The following SPIDR variants were observed in gnomAD, a reference collection of about 807,000 sequenced individuals.
SPIDR encodes DNA repair-scaffolding protein.
A neutral mutation model predicts 104.6 loss-of-function variants in SPIDR; 93 were observed. The ratio of observed to expected loss-of-function variants is 0.89; its 90% CI spans 0.75 to 1.06. SPIDR has a LOEUF of 1.06. Ranked by LOEUF, SPIDR falls within the 50% of genes least tolerant of loss-of-function variation. The pLI, the probability that SPIDR is intolerant of heterozygous loss-of-function variation, is 0.00. For missense variants in SPIDR, 1,154 were observed against 1,111.2 expected (o/e 1.04, Z -0.55); for synonymous variants, 431 against 416.9 (o/e 1.03, Z -0.41).
chr8:47,600,197 G>A (rs918834624), intron 10 of SPIDR, among the ~76,000 whole-genome samples: 7 of 152,208 alleles, frequency 4.6e-5, no homozygotes, highest in African/African-American at 9.6e-5. Flanking sequence ...AAGAAAACAC[G>A]TAGTGAAGAA....
chr8:47,537,220 C>T (rs1195882697), intron 8 of SPIDR, among the ~76,000 whole-genome samples: 1 of 152,160 alleles, frequency 6.6e-6, no homozygotes, highest in Non-Finnish European at 1.5e-5. Flanking sequence ...TGATATTTAT[C>T]CAAATAATTG....
At chr8:47,420,248 C>G (rs1554679023) in intron 7 of SPIDR, among the ~76,000 whole-genome samples, 1 of 152,092 alleles carries the variant, frequency 6.6e-6, no homozygotes. Context: ...GTGTGGGAGT[C>G]TAAGTCTCTT....
At chr8:47,690,806 G>A (rs1364499766) in intron 11 of SPIDR, among the ~76,000 whole-genome samples, 1 of 151,914 alleles carries the variant, frequency 6.6e-6, no homozygotes, top group East Asian at 1.9e-4. Context: ...GTGACAAGGC[G>A]AGATTCCATC....
At chr8:47,284,633 G>A (rs1195358081) in intron 3 of SPIDR, among the ~76,000 whole-genome samples, 1 of 152,230 alleles carries the variant, frequency 6.6e-6, no homozygotes, top group Non-Finnish European at 1.5e-5. Context: ...TGTAGCCTGA[G>A]TGTGGAATTG....
intron 5 of SPIDR, chr8:47,330,658 C>G (rs1388793020): frequency 4.9e-6 from 2 of 411,952 alleles, no homozygotes. Flanking sequence ...ATGTATTGAA[C>G]TTTCCTCCAT....
chr8:47,714,511 A>T (rs1221609541), intron 16 of SPIDR, among the ~76,000 whole-genome samples: 1 of 152,128 alleles, frequency 6.6e-6, no homozygotes, highest in Non-Finnish European at 1.5e-5. Flanking sequence ...CTCTTTTTTA[A>T]CTTTATAAAA....
intron 1 of SPIDR, among the ~76,000 whole-genome samples, chr8:47,269,510 C>T (rs2154213226): frequency 6.6e-6 from 1 of 151,414 alleles, no homozygotes; most frequent in South Asian, 2.1e-4. Flanking sequence ...CCCACCTTGG[C>T]CTCCCAAAGT....
At chr8:47,356,210 C>T (rs150950091) in intron 5 of SPIDR, among the ~76,000 whole-genome samples, 7 of 152,256 alleles carry the variant, frequency 4.6e-5, no homozygotes, top group East Asian at 3.9e-4. Context: ...ATTAAGTCCT[C>T]GTGAAAATAG....
chr8:47,300,813 CAGTT>C (rs1400672455), intron 5 of SPIDR, among the ~76,000 whole-genome samples: 19 of 152,258 alleles, frequency 1.2e-4, no homozygotes, highest in African/African-American at 4.6e-4. Context: ...GTCTGAGAGA[CAGTT>C]TGTTATAATT....
chr8:47,594,718 G>T (rs1343668817), intron 8 of SPIDR, among the ~76,000 whole-genome samples: 1 of 152,110 alleles, frequency 6.6e-6, no homozygotes, highest in Non-Finnish European at 1.5e-5. Context: ...CCAGGGCCGG[G>T]CACAGTGGCT....
At chr8:47,413,589 A>G (rs921208287) in intron 7 of SPIDR, among the ~76,000 whole-genome samples, 2 of 152,210 alleles carry the variant, frequency 1.3e-5, no homozygotes, top group Non-Finnish European at 2.9e-5. Flanking sequence ...GCATTGACAA[A>G]TTGTAAATAT....
chr8:47,327,407 T>C (rs78385363), intron 5 of SPIDR, among the ~76,000 whole-genome samples: 13 of 152,120 alleles, frequency 8.5e-5, no homozygotes, highest in African/African-American at 3.1e-4. Context: ...TTTTTTTTTT[T>C]TTGAGACAGG....
intron 14 of SPIDR, among the ~76,000 whole-genome samples, chr8:47,709,793 A>G (rs1302606635): frequency 6.6e-6 from 1 of 152,142 alleles, no homozygotes; most frequent in Non-Finnish European, 1.5e-5. Flanking sequence ...AATCCAGAGT[A>G]TTTACAAAAG....
intron 5 of SPIDR, among the ~76,000 whole-genome samples, chr8:47,335,812 T>C (rs559057898): frequency 2.4e-4 from 37 of 152,362 alleles, no homozygotes; most frequent in Non-Finnish European, 5.0e-4. Context: ...AAGAAGTTGT[T>C]ATCTTTGCTT....
intron 15 of SPIDR, chr8:47,713,247 C>A: frequency 1.6e-6 from 1 of 612,304 alleles, no homozygotes; most frequent in Non-Finnish European, 2.7e-6. Context: ...TTTATTGAGT[C>A]ATAATTCACA....
At chr8:47,510,633 A>G (rs184742632) in intron 8 of SPIDR, among the ~76,000 whole-genome samples, 3 of 152,334 alleles carry the variant, frequency 2.0e-5, no homozygotes, top group East Asian at 1.9e-4. Context: ...TAGTTGCACA[A>G]ACAGTTAACA....
intron 8 of SPIDR, among the ~76,000 whole-genome samples, chr8:47,530,501 A>G (rs1163260617): frequency 2.0e-5 from 3 of 152,132 alleles, no homozygotes; most frequent in South Asian, 2.1e-4. Context: ...ATATCTAAAC[A>G]TAGAAAACGT....
At chr8:47,310,987 G>A (rs1554584714) in intron 5 of SPIDR, among the ~76,000 whole-genome samples, 3 of 152,074 alleles carry the variant, frequency 2.0e-5, no homozygotes, top group Non-Finnish European at 4.4e-5. Context: ...TAAGTGAAAA[G>A]CCAATTAATT....
rs369381394 is a variant in SPIDR at position 47,723,025 on chromosome 8, ATTGTTGTTG to A, written c.2342-4156_2342-4148del. Among the ~76,000 whole-genome samples, 14 of 150,708 alleles carry A rather than the reference ATTGTTGTTG, an allele frequency of 9.3e-5. No individual in the cohort carries two copies. In the East Asian group the frequency reaches 1.2e-3, roughly 13 times the overall value. ...TGCCCAGTTAATTTTTGTTGTTGTT[ATTGTTGTTG>A]TTGTTGTTGTTGTTGTTGACACAGA... On this transcript the variant is annotated intron_variant, in intron 16 of 19. Coordinates refer to ENST00000297423, the MANE Select transcript of SPIDR (RefSeq NM_001080394.4).
Sources: gnomAD v4.1 joint callset for allele counts (sites outside exome capture counted in the v4.1 genomes callset) on GRCh38, gnomAD v4.1.1 for gene constraint, MANE v1.5 for transcripts, NCBI Gene and HGNC (gene_info 2026-07-23, HGNC 2026-07-21) for gene names.